DNAH8: variants seen among roughly 807,000 people sequenced by gnomAD.
DNAH8 encodes dynein axonemal heavy chain 8, also known as axonemal beta dynein heavy chain 8.
A neutral mutation model predicts 562.1 loss-of-function variants in DNAH8; 382 were observed. That is an observed-to-expected ratio of 0.68 (90% CI 0.63 to 0.74). The LOEUF is 0.74. Among genes scored for constraint, DNAH8 ranks in the 30% least tolerant of loss-of-function variants. The pLI is 0.00. For missense variants in DNAH8, 5,203 were observed against 5,620.4 expected, an observed-to-expected ratio of 0.93 and a Z score of 2.37; for synonymous variants, 1,881 against 1,919.4, an observed-to-expected ratio of 0.98 and a Z score of 0.52.
chr6:38,761,484 C>T (rs1028713627), intron 10 of DNAH8, among the ~76,000 whole-genome samples: 1 of 151,236 alleles, frequency 6.6e-6, no homozygotes, highest in Non-Finnish European at 1.5e-5. Flanking sequence ...TTTTTAGAGA[C>T]AGGGTCTCAT....
At chr6:38,911,426 C>A (rs764993180) in intron 65 of DNAH8, 42 bp from the exon 66 acceptor site, 4 of 1,390,474 alleles carry the variant, frequency 2.9e-6, no homozygotes, top group Non-Finnish European at 4.1e-6. Context: ...TATGGGAGTA[C>A]GCACAATGAT....
chr6:38,977,627 G>A (rs1442454185), intron 85 of DNAH8, among the ~76,000 whole-genome samples: 1 of 152,154 alleles, frequency 6.6e-6, no homozygotes, highest in African/African-American at 2.4e-5. Flanking sequence ...TTGAGAGCAA[G>A]CCCACATTCA....
rs544837377 is a variant in DNAH8, at chr6:39,021,778, C to G, written c.13715-4768C>G. The stretch of plus-strand genomic sequence containing the variant: ...CAGCCTAAGGCCTATTGCATAAGGA[C>G]CAGTTCATTTATTAAAGAAAAGAAA... On this transcript the variant is annotated intron_variant, in intron 91 of 92. Transcript: ENST00000327475. Among the ~76,000 whole-genome samples, 29 of 152,276 alleles carry G rather than the reference C, an allele frequency of 1.9e-4. 1 individual carries two copies. The highest frequency in any genetic ancestry group is 1.8e-3 in the Admixed American group (28 of 15,286).
At chr6:38,886,731 G>A in intron 56 of DNAH8, 60 bp from the exon 57 acceptor site, 1 of 1,256,960 alleles carries the variant, frequency 8.0e-7, no homozygotes, top group African/African-American at 1.5e-5. Context: ...CTATTTTATT[G>A]AAGTTATGGA....
chr6:38,980,383 A>G (rs906190147), intron 85 of DNAH8, among the ~76,000 whole-genome samples: 21 of 152,254 alleles, frequency 1.4e-4, no homozygotes, highest in Non-Finnish European at 3.1e-4. Flanking sequence ...TGTCAAGAGA[A>G]GCAATGTTAG....
intron 88 of DNAH8, among the ~76,000 whole-genome samples, chr6:39,007,515 A>G (rs1157813943): frequency 6.6e-6 from 1 of 152,238 alleles, no homozygotes; most frequent in Non-Finnish European, 1.5e-5. Flanking sequence ...ATGGTAAATT[A>G]GGAGTTCAGA....
Position 38,797,484 on chromosome 6 carries a change from G to A in DNAH8, c.2902-5695G>A, listed in dbSNP as rs146893583. ...ATAAACAGTGAAAATTTTGCTGTAA[G>A]CTTCCCTGTGTCCTCTCTCCCTCTC... On this transcript the variant is annotated intron_variant, in intron 21 of 92. Coordinates refer to ENST00000327475, the MANE Select transcript of DNAH8 (RefSeq NM_001206927.2). Among the ~76,000 whole-genome samples, 437 of 152,204 alleles carry A rather than the reference G, an allele frequency of 2.9e-3. 5 individuals carry two copies. In the South Asian group the frequency reaches 0.037, roughly 13 times the overall value.
chr6:38,717,091 A>G lies in DNAH8; in HGVS notation c.-35+1676A>G, dbSNP rs115843619. 8.4e-3 allele frequency among the ~76,000 whole-genome samples: 1,278 copies of G among 152,302 alleles called. 14 individuals carry two copies. The highest frequency in any genetic ancestry group is 0.03 in the East Asian group (156 of 5,182). ...GCCAAGTGTGATTGTGTACGCCTTT[A>G]GTCCTAGCTACTTGGGAGGCTGAGG... On this transcript the variant is annotated intron_variant, in intron 1 of 92. Coordinates refer to ENST00000327475, the MANE Select transcript of DNAH8 (RefSeq NM_001206927.2).
chr6:39,016,550 C>CAAA (rs34460245), intron 91 of DNAH8, among the ~76,000 whole-genome samples: 2 of 95,270 alleles, frequency 2.1e-5, no homozygotes, highest in Non-Finnish European at 2.2e-5. Context: ...GACTCTGTCT[C>CAAA]AAAAAAAAAA....
At chr6:38,942,394 A>G (rs1783536316) in intron 79 of DNAH8, among the ~76,000 whole-genome samples, 1 of 152,162 alleles carries the variant, frequency 6.6e-6, no homozygotes, top group South Asian at 2.1e-4. Flanking sequence ...GGAAGGAAAA[A>G]GGAGGTCAGA....
Position 38,970,651 on chromosome 6 carries a change from C to A in DNAH8, c.12452-941C>A, listed in dbSNP as rs118081634. On this transcript the variant is annotated intron_variant, in intron 82 of 92. Transcript: ENST00000327475. The stretch of plus-strand genomic sequence containing the variant: ...TCTCTGGTTTCTGACATACTTCCCT[C>A]CCCACCCCATGAAGTCTCCAGCTTC... Among the ~76,000 whole-genome samples, 1,043 of 152,272 alleles carry A rather than the reference C, an allele frequency of 6.8e-3. 34 individuals are homozygous for A. In the East Asian group the frequency reaches 0.092, roughly 13 times the overall value.
chr6:38,984,351 G>A (rs1358139411), intron 87 of DNAH8, 44 bp downstream of exon 87: 1 of 1,322,508 alleles, frequency 7.6e-7, no homozygotes, highest in Non-Finnish European at 1.1e-6. Flanking sequence ...ACATTTCACT[G>A]TATTTTCCAA....
intron 79 of DNAH8, among the ~76,000 whole-genome samples, chr6:38,941,361 A>G (rs1212939656): frequency 1.3e-5 from 2 of 152,180 alleles, no homozygotes; most frequent in Non-Finnish European, 2.9e-5. Flanking sequence ...TTCCTTCCTC[A>G]GATTCAGGTT....
At chr6:38,912,325 TG>T (rs1024998520) in intron 66 of DNAH8, among the ~76,000 whole-genome samples, 1 of 151,942 alleles carries the variant, frequency 6.6e-6, no homozygotes, top group African/African-American at 2.4e-5. Context: ...AGTCAGGCAT[TG>T]TGGTGGTGCA....
At position 38,737,160 on chromosome 6, in the gene DNAH8, A is replaced by G. The variant is rs779369031; in HGVS notation, c.856A>G (p.Thr286Ala). Reference sequence around the variant, plus strand: ...TATATTTCTACCAGCTGTTCTTGCAACAAACAACTGGGGTGCTTTAAACCA... The same window carrying G: ...TATATTTCTACCAGCTGTTCTTGCAGCAAACAACTGGGGTGCTTTAAACCA... ...ANIFLPAVLA[T>A]NNWGALNQSK... Residue 286 changes from threonine to alanine, a missense_variant, in exon 6 of 93, where the codon ACA becomes GCA. By Grantham distance (58) the Thr-to-Ala change is moderately conservative (BLOSUM62 0). Transcript: ENST00000327475. 10 of 1,584,424 alleles carry G rather than the reference A, an allele frequency of 6.3e-6. No homozygotes were observed. Among genetic ancestry groups the G allele is most frequent in the Middle Eastern group, 1.7e-4 (1 of 5,990 alleles).
intron 9 of DNAH8, among the ~76,000 whole-genome samples, chr6:38,753,837 A>G (rs1425804611): frequency 2.0e-5 from 3 of 152,140 alleles, no homozygotes; most frequent in African/African-American, 7.2e-5. Context: ...AGCTTTTTAT[A>G]TTCTCTGATG....
chr6:38,839,381 T>C (rs1003431045), intron 33 of DNAH8, among the ~76,000 whole-genome samples: 1 of 152,068 alleles, frequency 6.6e-6, no homozygotes, highest in Non-Finnish European at 1.5e-5. Context: ...TTTTGTTTTT[T>C]TTTTGAGACA....
At chr6:38,911,988 GC>G in intron 66 of DNAH8, among the ~76,000 whole-genome samples, 1 of 152,218 alleles carries the variant, frequency 6.6e-6, no homozygotes, top group Non-Finnish European at 1.5e-5. Context: ...AAAGAAAAAG[GC>G]AAAATAGAAG....
chr6:38,898,523 C>A, intron 61 of DNAH8, 143 bp downstream of exon 61: 1 of 547,502 alleles, frequency 1.8e-6, no homozygotes, highest in Non-Finnish European at 2.8e-6. Flanking sequence ...ATTCACTGTC[C>A]CAGAAAATAA....
Sources: allele counts gnomAD v4.1 joint callset (sites outside exome capture counted in the v4.1 genomes callset), GRCh38; gene constraint gnomAD v4.1.1; transcripts MANE v1.5; gene names NCBI Gene and HGNC (gene_info 2026-07-23, HGNC 2026-07-21).